TENM3: variants seen among roughly 807,000 people sequenced by gnomAD.
TENM3 encodes teneurin transmembrane protein 3, also known as teneurin-3.
A neutral mutation model predicts 255.1 loss-of-function variants in TENM3; 63 were observed. The observed-to-expected ratio is 0.25, with a 90% CI of 0.20 to 0.30. The LOEUF is 0.30. Among genes scored for constraint, TENM3 ranks in the 10% least tolerant of loss-of-function variants. The pLI is 1.00. For missense variants in TENM3, 2,929 were observed against 3,461.1 expected (o/e 0.85, Z 3.86); for synonymous variants, 1,306 against 1,322.3 (o/e 0.99, Z 0.27).
intron 3 of TENM3, chr4:182,449,008 T>C (rs1347341508): frequency 1.8e-5 from 7 of 399,754 alleles, no homozygotes; most frequent in Non-Finnish European, 3.5e-5. Flanking sequence ...TGTAACACGA[T>C]ACGCTCCAGA....
At chr4:181,658,292 T>A in the TENM3 span, among the ~76,000 whole-genome samples, 1 of 152,202 alleles carries the variant, frequency 6.6e-6, no homozygotes, top group South Asian at 2.1e-4. Flanking sequence ...AGAAATCACA[T>A]GTTGAAAAGC....
the TENM3 span, among the ~76,000 whole-genome samples, chr4:181,515,466 T>G: frequency 2.6e-5 from 4 of 152,076 alleles, no homozygotes; most frequent in African/African-American, 7.2e-5. Flanking sequence ...GAAAGGCCTA[T>G]CTTTAGCACA....
At chr4:182,662,505 T>C (rs1188008150) in intron 6 of TENM3, among the ~76,000 whole-genome samples, 1 of 152,208 alleles carries the variant, frequency 6.6e-6, no homozygotes, top group Non-Finnish European at 1.5e-5. Context: ...GCCCTGTCTC[T>C]ATTTTTTCCT....
At chr4:182,084,736 A>T in the TENM3 span, 1 of 152,186 alleles carries the variant, frequency 6.6e-6, no homozygotes, top group Non-Finnish European at 1.5e-5. Flanking sequence ...AAAACTGGTG[A>T]CGAATTTCTT....
the TENM3 span, among the ~76,000 whole-genome samples, chr4:182,111,282 G>A: frequency 7.1e-6 from 1 of 140,712 alleles, no homozygotes; most frequent in Admixed American, 7.5e-5. Context: ...TTATTGTTCA[G>A]GCATTAATGC....
the TENM3 span, among the ~76,000 whole-genome samples, chr4:181,473,853 T>C: frequency 7.2e-6 from 1 of 138,088 alleles, no homozygotes; most frequent in African/African-American, 2.6e-5. Context: ...ATATACAGTA[T>C]ATATTCTGTG....
the TENM3 span, among the ~76,000 whole-genome samples, chr4:181,862,187 G>A: frequency 6.6e-6 from 1 of 151,946 alleles, no homozygotes; most frequent in Non-Finnish European, 1.5e-5. Flanking sequence ...TTAAAAAGGA[G>A]CAGGATAATG....
In TENM3 at chr4:182,792,943, C is replaced by G; in HGVS notation, c.6271C>G (p.Gln2091Glu). 6.2e-7 allele frequency: 1 copy of G among 1,613,756 alleles called. No individual in the cohort carries two copies. Among genetic ancestry groups the G allele is most frequent in the South Asian group, 1.1e-5 (1 of 91,054 alleles). Residue 2091 changes from glutamine to glutamate, a missense_variant, in exon 26 of 28, where the codon CAA (glutamine) becomes GAA (glutamate). Around this residue, in one of 6 missense-constraint regions of TENM3, gnomAD observed 256 missense variants for 389.3 expected, o/e 0.66. Coordinates refer to ENST00000511685, the MANE Select transcript of TENM3 (RefSeq NM_001080477.4). The surrounding 1 kb of genome is among the most constrained non-coding windows in gnomAD (Gnocchi z 6.3). The stretch of plus-strand genomic sequence containing the variant: ...TGCTCATGGCCGTATCAAGGAGATT[C>G]AATATGAGATATTCAGGTCGCTCAT... ...FDAHGRIKEI[Q>E]YEIFRSLMYW...
intron 3 of TENM3, among the ~76,000 whole-genome samples, chr4:182,546,917 A>T (rs1473466645): frequency 6.6e-6 from 1 of 152,168 alleles, no homozygotes; most frequent in East Asian, 1.9e-4. Flanking sequence ...TGTATGATGA[A>T]AAGTCTTTAA....
the TENM3 span, among the ~76,000 whole-genome samples, chr4:181,687,371 G>A: frequency 4.5e-4 from 69 of 152,280 alleles, no homozygotes; most frequent in African/African-American, 1.6e-3. Context: ...TAGCTTGGCT[G>A]AAAAGATAGC....
intron 1 of TENM3, among the ~76,000 whole-genome samples, chr4:182,165,223 G>A (rs1410173596): frequency 6.6e-6 from 1 of 152,146 alleles, no homozygotes; most frequent in East Asian, 1.9e-4. Flanking sequence ...CTAGTAGGTA[G>A]TGAAGTGATT....
At chr4:182,541,629 C>A (rs1019367609) in intron 3 of TENM3, among the ~76,000 whole-genome samples, 2 of 152,110 alleles carry the variant, frequency 1.3e-5, no homozygotes, top group Non-Finnish European at 2.9e-5. Context: ...TGTTTTCATA[C>A]CAGAACTCAT....
chr4:182,565,271 G>A (rs908960342), intron 3 of TENM3, among the ~76,000 whole-genome samples: 2 of 152,130 alleles, frequency 1.3e-5, no homozygotes, highest in African/African-American at 4.8e-5. Flanking sequence ...TAATAGAACC[G>A]AAGAACTGAG....
intron 3 of TENM3, among the ~76,000 whole-genome samples, chr4:182,567,072 TAGAG>T (rs1198246088): frequency 1.3e-5 from 2 of 152,082 alleles, no homozygotes; most frequent in East Asian, 3.9e-4. Flanking sequence ...AACTTCTAAA[TAGAG>T]AGGTAAATAA....
the TENM3 span, among the ~76,000 whole-genome samples, chr4:181,887,152 C>T: frequency 6.6e-6 from 1 of 151,762 alleles, no homozygotes; most frequent in Non-Finnish European, 1.5e-5. Flanking sequence ...GCATTAGAAA[C>T]ACTAGAAAAA....
At chr4:181,866,409 G>C in the TENM3 span, among the ~76,000 whole-genome samples, 1 of 152,110 alleles carries the variant, frequency 6.6e-6, no homozygotes, top group Non-Finnish European at 1.5e-5. Flanking sequence ...GCCTTGCTTT[G>C]TTTCTTCGGC....
the TENM3 span, among the ~76,000 whole-genome samples, chr4:181,772,233 C>T: frequency 6.6e-6 from 1 of 152,012 alleles, no homozygotes; most frequent in Admixed American, 6.6e-5. Context: ...CAAAAATTAG[C>T]TGGGTGTGGT....
intron 5 of TENM3, among the ~76,000 whole-genome samples, chr4:182,638,806 C>T (rs1752061045): frequency 6.6e-6 from 1 of 152,194 alleles, no homozygotes; most frequent in African/African-American, 2.4e-5. Context: ...GTTTTCTCCT[C>T]CACTGGGGAA....
intron 3 of TENM3, among the ~76,000 whole-genome samples, chr4:182,555,056 C>T (rs1202904175): frequency 1.3e-5 from 2 of 152,064 alleles, no homozygotes; most frequent in African/African-American, 2.4e-5. Flanking sequence ...AATCAGTGAA[C>T]GTGGTTCCTT....
Sources: allele counts gnomAD v4.1 joint callset (sites outside exome capture counted in the v4.1 genomes callset), GRCh38; gene constraint gnomAD v4.1.1; regional missense constraint gnomAD v4.1.1; non-coding constraint Gnocchi (gnomAD v3.1); transcripts MANE v1.5; gene names NCBI Gene and HGNC (gene_info 2026-07-23, HGNC 2026-07-21).